LPIN1: variants seen among roughly 807,000 people sequenced by gnomAD.
LPIN1 encodes the protein phosphatidate phosphatase LPIN1.
In LPIN1, 71 loss-of-function variants were observed where a neutral mutation model predicts 107.5. The observed-to-expected ratio is 0.66, with a 90% CI of 0.55 to 0.80. LPIN1 has a LOEUF of 0.80. Ranked by LOEUF, LPIN1 falls within the 30% of genes least tolerant of loss-of-function variation. LPIN1 has a pLI of 0.00. For synonymous variants in LPIN1, 445 were observed against 452.6 expected, an observed-to-expected ratio of 0.98 and a Z score of 0.21; for missense variants, 1,043 against 1,160.6, an observed-to-expected ratio of 0.90 and a Z score of 1.47.
intron 1 of LPIN1, among the ~76,000 whole-genome samples, chr2:11,733,645 C>T (rs1015951986): frequency 4.6e-5 from 7 of 152,126 alleles, no homozygotes; most frequent in African/African-American, 1.2e-4. Flanking sequence ...GTGTGCACAA[C>T]GACGCCTGGA....
chr2:11,791,919 T>A lies in LPIN1; in HGVS notation c.1719T>A (p.Thr573=), dbSNP rs1473895936. Residue 573 remains threonine (T), a synonymous_variant, in exon 13 of 21, where the codon ACT becomes ACA. Transcript: ENST00000674199. ...QAFQKPLPKA[T]VESIMRDKMP... ...TTACCATCCATTTAAAACAGGCCAC[T>A]GTGGAATCTATCATGAGGGATAAAA... The A allele has an allele frequency of 6.2e-7, 1 of 1,613,714 alleles. No homozygotes were observed. Among genetic ancestry groups the A allele is most frequent in the Non-Finnish European group, 8.5e-7 (1 of 1,179,820 alleles).
At chr2:11,693,437 A>G (rs2148509206) in intron 1 of LPIN1, among the ~76,000 whole-genome samples, 1 of 152,174 alleles carries the variant, frequency 6.6e-6, no homozygotes, top group African/African-American at 2.4e-5. Flanking sequence ...CGGAGGAGCT[A>G]ATGAGAAATG....
Position 11,765,166 on chromosome 2 carries a change from C to T in LPIN1, c.-9-367C>T, listed in dbSNP as rs1000269600. Reference sequence around the variant, plus strand: ...CATGATGGACCGTGATGGGCCGTAACGGGCCGTGATGGACCCTGATGGGCT... The same window carrying T: ...CATGATGGACCGTGATGGGCCGTAATGGGCCGTGATGGACCCTGATGGGCT... On this transcript the variant is annotated intron_variant, in intron 1 of 20. Transcript: ENST00000674199. The surrounding 1 kb of genome is among the most constrained non-coding windows in gnomAD (Gnocchi z 4.4). Among the ~76,000 whole-genome samples the T allele has an allele frequency of 2.1e-5, 3 of 140,890 alleles. No individual in the cohort carries two copies. The highest frequency in any genetic ancestry group is 4.6e-5 in the Non-Finnish European group (3 of 65,262). The allele number at this position is 140,890 out of a possible 152,430, so 92.4% of individuals were successfully genotyped here.
At chr2:11,744,320 G>C (rs911222448), upstream of LPIN1, among the ~76,000 whole-genome samples, 5 of 152,234 alleles carry the variant, frequency 3.3e-5, no homozygotes, top group African/African-American at 1.2e-4. Context: ...CTCCCAGGGG[G>C]ACTCCAGCCA....
intron 1 of LPIN1, among the ~76,000 whole-genome samples, chr2:11,728,796 C>A (rs192656026): frequency 1.9e-3 from 289 of 151,814 alleles, no homozygotes; most frequent in African/African-American, 4.8e-3. Flanking sequence ...TTCTATATAT[C>A]TCTTAAATAC....
chr2:11,807,605 C>T (rs747039602), intron 17 of LPIN1, among the ~76,000 whole-genome samples: 2 of 151,772 alleles, frequency 1.3e-5, no homozygotes, highest in Non-Finnish European at 1.5e-5. Context: ...ACTGAAGAAC[C>T]CCTGACCATT....
rs1000174446 is a variant in LPIN1 at position 11,788,391 on chromosome 2, T to G, written c.1648T>G (p.Tyr550Asp). The change falls in exon 12 of 21, where the codon TAT becomes GAT. Residue 550 changes from tyrosine (Y) to aspartate (D), a missense_variant. Coordinates refer to ENST00000674199, the MANE Select transcript of LPIN1 (RefSeq NM_001349206.2). ...NLVVKIGSKY[Y>D]NWTTAAPLLL... The stretch of plus-strand genomic sequence containing the variant: ...TATTTCATTGTTTTGTGTTAGATAT[T>G]ATAACTGGACAACAGCAGCACCCCT... The G allele has an allele frequency of 1.9e-6, 3 of 1,612,710 alleles. No homozygotes were observed. In the Admixed American group the frequency reaches 5.0e-5, roughly 27 times the overall value.
At chr2:11,760,593 A>G (rs1185165483) in intron 1 of LPIN1, among the ~76,000 whole-genome samples, 1 of 152,178 alleles carries the variant, frequency 6.6e-6, no homozygotes, top group Non-Finnish European at 1.5e-5. Flanking sequence ...AGGCAGGAGA[A>G]TCAGGCAGGG....
At chr2:11,788,904 C>T (rs1369921582) in intron 12 of LPIN1, among the ~76,000 whole-genome samples, 1 of 152,216 alleles carries the variant, frequency 6.6e-6, no homozygotes, top group Non-Finnish European at 1.5e-5. Flanking sequence ...GCCTGAGTCT[C>T]TGAGGCCAGA....
At chr2:11,684,340 A>ATT (rs11461521) in intron 1 of LPIN1, among the ~76,000 whole-genome samples, 27 of 151,872 alleles carry the variant, frequency 1.8e-4, no homozygotes, top group East Asian at 7.7e-4. Flanking sequence ...CAACCAGCTA[A>ATT]TTTTTTTTTA....
At chr2:11,723,918 C>A (rs1334832883), upstream of LPIN1, 1 of 152,144 alleles carries the variant, frequency 6.6e-6, no homozygotes, top group Non-Finnish European at 1.5e-5. Flanking sequence ...CATCTTGATG[C>A]CTTTTTTATT....
At position 11,805,068 on chromosome 2, in the gene LPIN1, A is replaced by T; in HGVS notation, c.2163-2A>T. On this transcript the variant is annotated splice_acceptor_variant, in intron 16 of 20. Coordinates refer to ENST00000674199, the MANE Select transcript of LPIN1 (RefSeq NM_001349206.2). LOFTEE classifies it high-confidence loss of function. ...TATTTTTCTCTTTTCCTCTTCATTT[A>T]GATCAGATACTCTTGGCCACATTTT... The T allele has an allele frequency of 6.3e-7, 1 of 1,592,364 alleles. No homozygotes were observed. Among genetic ancestry groups the T allele is most frequent in the Non-Finnish European group, 8.6e-7 (1 of 1,161,312 alleles).
At chr2:11,680,429 G>T (rs757544684) in intron 1 of LPIN1, among the ~76,000 whole-genome samples, 2 of 151,746 alleles carry the variant, frequency 1.3e-5, no homozygotes, top group Non-Finnish European at 2.9e-5. Flanking sequence ...GTAACGGGGC[G>T]ATCTGGGGGC....
upstream of LPIN1, among the ~76,000 whole-genome samples, chr2:11,721,107 G>A (rs770865671): frequency 3.0e-4 from 45 of 152,124 alleles, no homozygotes; most frequent in Non-Finnish European, 4.4e-4. Context: ...CCCCAGGGGA[G>A]GGAGAGGAGA....
intron 1 of LPIN1, among the ~76,000 whole-genome samples, chr2:11,738,757 G>T (rs933722956): frequency 1.3e-5 from 2 of 152,208 alleles, no homozygotes; most frequent in Non-Finnish European, 2.9e-5. Context: ...AAGGGAGCTA[G>T]AATTTGCAGG....
At chr2:11,794,455 G>A (rs1444240362) in intron 13 of LPIN1, among the ~76,000 whole-genome samples, 1 of 152,166 alleles carries the variant, frequency 6.6e-6, no homozygotes, top group Non-Finnish European at 1.5e-5. Flanking sequence ...TAAGTTACAT[G>A]ATAAATAGAT....
At chr2:11,792,780 T>A (rs1451710455) in intron 13 of LPIN1, among the ~76,000 whole-genome samples, 2 of 152,188 alleles carry the variant, frequency 1.3e-5, no homozygotes, top group African/African-American at 4.8e-5. Flanking sequence ...GGCTTTGGCG[T>A]TCATGTCTAT....
Position 11,761,225 on chromosome 2 carries a change from T to A in LPIN1, c.-9-4308T>A, listed in dbSNP as rs950859959. Among the ~76,000 whole-genome samples the A allele has an allele frequency of 2.6e-5, 4 of 152,198 alleles. No homozygotes were observed. The East Asian group carries it at 7.7e-4, about 29-fold the overall frequency. ...CACACGTTAAAATCTAAGTTCAACGTGGAAGGAATAAGAAGTATTAGGGTT... is the reference window on the plus strand; with the variant it reads ...CACACGTTAAAATCTAAGTTCAACGAGGAAGGAATAAGAAGTATTAGGGTT... On this transcript the variant is annotated intron_variant, in intron 1 of 20. Coordinates refer to ENST00000674199, the MANE Select transcript of LPIN1 (RefSeq NM_001349206.2).
intron 3 of LPIN1, among the ~76,000 whole-genome samples, chr2:11,768,552 G>A (rs778361778): frequency 2.0e-4 from 31 of 152,104 alleles, no homozygotes; most frequent in Non-Finnish European, 3.7e-4. Context: ...CCAGGTTTTA[G>A]TATGTATCAA....
Sources: gnomAD v4.1 joint callset for allele counts (sites outside exome capture counted in the v4.1 genomes callset) on GRCh38, gnomAD v4.1.1 for gene constraint, Gnocchi (gnomAD v3.1) non-coding constraint, MANE v1.5 for transcripts, NCBI Gene and HGNC (gene_info 2026-07-23, HGNC 2026-07-21) for gene names.